Variants in SLC7A7 observed in about 807,000 individuals in gnomAD.
SLC7A7 encodes the protein Y+L amino acid transporter 1.
A neutral mutation model predicts 47.9 loss-of-function variants in SLC7A7; 39 were observed. The observed-to-expected ratio is 0.81, with a 90% CI of 0.63 to 1.06. The LOEUF (loss-of-function observed/expected upper bound fraction) is 1.06, where lower values mean the gene tolerates loss of function less well. Among genes scored for constraint, SLC7A7 ranks in the 50% least tolerant of loss-of-function variants. The pLI is 0.00. For missense variants in SLC7A7, 588 were observed against 632.0 expected (o/e 0.93, Z 0.75); for synonymous variants, 234 against 242.8 (o/e 0.96, Z 0.34).
At chr14:22,808,164 CA>C (rs36057907) in intron 2 of SLC7A7, among the ~76,000 whole-genome samples, 211 of 137,718 alleles carry the variant, frequency 1.5e-3, no homozygotes, top group Admixed American at 1.7e-3. Flanking sequence ...AACTTCATCT[CA>C]AAAAAAAAAA....
intron 2 of SLC7A7, among the ~76,000 whole-genome samples, chr14:22,810,462 CAAAAAA>C (rs59569324): frequency 2.1e-5 from 2 of 95,672 alleles, no homozygotes; most frequent in African/African-American, 8.3e-5. Context: ...AACTCCATCT[CAAAAAA>C]AAAAAAAAAA....
At position 22,773,256 on chromosome 14, in the gene SLC7A7, C is replaced by T. The variant is rs113138294; in HGVS notation, c.*354G>A. 4.6e-6 allele frequency: 2 copies of T among 436,668 alleles called. No individual in the cohort carries two copies. Among genetic ancestry groups the T allele is most frequent in the Non-Finnish European group, 4.4e-6 (1 of 225,970 alleles). The allele number at this position is 436,668 out of a possible 1,614,324, so 27.0% of individuals were successfully genotyped here. ...ATAAACTTTTATTGTCATCCAGCAC[C>T]TGTGATAGTTTCATGTCTCTCTAAA... On this transcript the variant is annotated 3_prime_UTR_variant, in exon 10 of 10. Transcript: ENST00000674313.
chr14:22,806,002 G>A (rs1475314117), intron 2 of SLC7A7, among the ~76,000 whole-genome samples: 13 of 150,758 alleles, frequency 8.6e-5, no homozygotes, highest in African/African-American at 3.2e-4. Flanking sequence ...TTAGCTGGGT[G>A]TGGTGGCAGG....
At chr14:22,791,976 G>C (rs1394103974) in intron 2 of SLC7A7, among the ~76,000 whole-genome samples, 2 of 151,776 alleles carry the variant, frequency 1.3e-5, no homozygotes, top group Admixed American at 1.3e-4. Context: ...CTGGGACTAC[G>C]GGCGTCCGCC....
At chr14:22,781,234 A>G (rs561904825) in intron 2 of SLC7A7, among the ~76,000 whole-genome samples, 5 of 152,302 alleles carry the variant, frequency 3.3e-5, no homozygotes, top group Admixed American at 3.3e-4. Context: ...CAACACAGTC[A>G]GAAACACCCT....
intron 2 of SLC7A7, among the ~76,000 whole-genome samples, chr14:22,812,382 G>C (rs1211186400): frequency 6.6e-6 from 1 of 151,882 alleles, no homozygotes; most frequent in Non-Finnish European, 1.5e-5. Flanking sequence ...GGCCAGGCTA[G>C]TCTCGAACTC....
rs1455440219 is a variant in SLC7A7, at chr14:22,791,961, A to G, written c.500-11910T>C. ...GCCATTCTCCTGCCTCAGCCTCCCG[A>G]GTAGCTGGGACTACGGGCGTCCGCC... On this transcript the variant is annotated intron_variant, in intron 2 of 9. Transcript: ENST00000674313. Among the ~76,000 whole-genome samples, 5 of 151,110 alleles carry G rather than the reference A, an allele frequency of 3.3e-5. No individual in the cohort carries two copies. The East Asian group carries it at 9.8e-4, about 30-fold the overall frequency.
intron 2 of SLC7A7, among the ~76,000 whole-genome samples, chr14:22,782,624 G>C (rs1333976665): frequency 6.6e-6 from 1 of 151,572 alleles, no homozygotes; most frequent in African/African-American, 2.4e-5. Flanking sequence ...ACCATGCCTG[G>C]CTAATTTTTG....
intron 3 of SLC7A7, 44 bp from the exon 4 acceptor site, chr14:22,778,981 T>C (rs1291798362): frequency 6.2e-7 from 1 of 1,611,240 alleles, no homozygotes; most frequent in South Asian, 1.1e-5. Flanking sequence ...AGTGGCTCAT[T>C]CTCCCACTTC....
intron 2 of SLC7A7, among the ~76,000 whole-genome samples, chr14:22,797,590 G>T (rs1594968411): frequency 3.3e-5 from 5 of 152,276 alleles, no homozygotes; most frequent in Admixed American, 3.3e-4. Flanking sequence ...CGTCACTGGA[G>T]GAGTGAATGG....
At chr14:22,793,775 C>A (rs1425245464) in intron 2 of SLC7A7, among the ~76,000 whole-genome samples, 1 of 151,954 alleles carries the variant, frequency 6.6e-6, no homozygotes, top group Non-Finnish European at 1.5e-5. Flanking sequence ...AATATCACAC[C>A]ACTGCACTCC....
chr14:22,791,848 T>TGA (rs1555323410), intron 2 of SLC7A7, among the ~76,000 whole-genome samples: 1 of 138,014 alleles, frequency 7.2e-6, no homozygotes, highest in East Asian at 2.1e-4. Flanking sequence ...TTTTTTTTTT[T>TGA]AATTGAGATG....
upstream of SLC7A7, among the ~76,000 whole-genome samples, chr14:22,818,960 TG>T (rs1271324116): frequency 6.6e-6 from 1 of 152,100 alleles, no homozygotes; most frequent in Non-Finnish European, 1.5e-5. Flanking sequence ...CTGTCTGAGA[TG>T]CATTCATCTC....
intron 2 of SLC7A7, among the ~76,000 whole-genome samples, chr14:22,790,868 T>C (rs1047812762): frequency 2.6e-5 from 4 of 151,788 alleles, no homozygotes; most frequent in Non-Finnish European, 5.9e-5. Flanking sequence ...TGTGGTGGTG[T>C]GCGCCTGTAG....
At chr14:22,790,654 T>TTGAA in intron 2 of SLC7A7, among the ~76,000 whole-genome samples, 1 of 152,250 alleles carries the variant, frequency 6.6e-6, no homozygotes, top group Admixed American at 6.5e-5. Context: ...CATTATCATA[T>TTGAA]TCTAATCAAA....
chr14:22,793,406 C>T (rs1053952554), intron 2 of SLC7A7, among the ~76,000 whole-genome samples: 17 of 152,156 alleles, frequency 1.1e-4, no homozygotes, highest in African/African-American at 4.1e-4. Flanking sequence ...TTGGGAGAAA[C>T]TTAGTTTATA....
chr14:22,781,240 A>G (rs1421511884), intron 2 of SLC7A7, among the ~76,000 whole-genome samples: 1 of 151,964 alleles, frequency 6.6e-6, no homozygotes, highest in East Asian at 1.9e-4. Context: ...AGTCAGAAAC[A>G]CCCTCTGAGT....
At chr14:22,807,748 C>T (rs1038508964) in intron 2 of SLC7A7, among the ~76,000 whole-genome samples, 1 of 152,188 alleles carries the variant, frequency 6.6e-6, no homozygotes, top group Non-Finnish European at 1.5e-5. Context: ...CACACCTTTG[C>T]ACATGCAGTC....
At position 22,791,848 on chromosome 14, in the gene SLC7A7, T is replaced by TTTTTTTTA. The variant is rs1555323410; in HGVS notation, c.500-11798_500-11797insTAAAAAAA. Among the ~76,000 whole-genome samples the TTTTTTTTA allele has an allele frequency of 1.4e-5, 2 of 137,974 alleles. 1 individual carries two copies. 90.5% of individuals were successfully genotyped at this position (137,974 alleles called of 152,430 possible). ...CTCTACACCTTTTTTTTTTTTTTTT[T>TTTTTTTTA]AATTGAGATGGAGTCTCGCTCTGTC... On this transcript the variant is annotated intron_variant, in intron 2 of 9. Transcript: ENST00000674313.
Sources: gnomAD v4.1 joint callset for allele counts (sites outside exome capture counted in the v4.1 genomes callset) on GRCh38, gnomAD v4.1.1 for gene constraint, MANE v1.5 for transcripts, NCBI Gene and HGNC (gene_info 2026-07-23, HGNC 2026-07-21) for gene names.